Variants in OTUD7A observed in about 807,000 individuals in gnomAD.
OTUD7A encodes the protein OTU deubiquitinase 7A, also known as OTU domain-containing protein 7A.
In OTUD7A, 12 loss-of-function variants were observed where a neutral mutation model predicts 65.7. The ratio of observed to expected loss-of-function variants is 0.18; its 90% CI spans 0.12 to 0.30. The LOEUF is 0.30. Among genes scored for constraint, OTUD7A ranks in the 10% least tolerant of loss-of-function variants. The pLI, the probability that OTUD7A is intolerant of heterozygous loss-of-function variation, is 1.00. For synonymous variants in OTUD7A, 641 were observed against 586.3 expected (o/e 1.09, Z -1.35); for missense variants, 1,148 against 1,304.8 (o/e 0.88, Z 1.85).
intron 1 of OTUD7A, among the ~76,000 whole-genome samples, chr15:31,699,981 T>C (rs1486757083): frequency 6.6e-6 from 1 of 151,546 alleles, no homozygotes; most frequent in Non-Finnish European, 1.5e-5. Context: ...CTTACTGCGT[T>C]CTCTGCACTC....
intron 3 of OTUD7A, among the ~76,000 whole-genome samples, chr15:31,580,135 T>G (rs1044776177): frequency 1.3e-5 from 2 of 152,212 alleles, no homozygotes; most frequent in African/African-American, 2.4e-5. Context: ...GGGGTGTTAC[T>G]GGACAGAAAG....
chr15:31,484,199 G>T lies in OTUD7A; in HGVS notation c.1897C>A (p.Arg633Ser). 1 of 1,608,974 alleles carries T rather than the reference G, an allele frequency of 6.2e-7. No homozygotes were observed. Among genetic ancestry groups the T allele is most frequent in the Non-Finnish European group, 8.5e-7 (1 of 1,179,000 alleles). The change falls in exon 13 of 13, where the codon CGC (arginine) becomes AGC (serine). Residue 633 changes from arginine (R) to serine (S), a missense_variant. Transcript: ENST00000307050. This position sits in a 1 kb window ranked among gnomAD's most constrained non-coding sequence, Gnocchi z 4.5. ...TDVKLSLNIL[R>S]AAMQGERKFI... Reference sequence around the variant, plus strand: ...TTGCGCTCCCCCTGCATGGCGGCGCGCAGGATGTTGAGGCTCAGCTTCACA... The same window carrying T: ...TTGCGCTCCCCCTGCATGGCGGCGCTCAGGATGTTGAGGCTCAGCTTCACA...
At chr15:31,684,009 A>C (rs993194213) in intron 1 of OTUD7A, among the ~76,000 whole-genome samples, 1 of 152,228 alleles carries the variant, frequency 6.6e-6, no homozygotes, top group Non-Finnish European at 1.5e-5. Flanking sequence ...TCAAGACCAA[A>C]TAAGAAGCAT....
intron 1 of OTUD7A, among the ~76,000 whole-genome samples, chr15:31,696,147 G>A (rs1319866895): frequency 6.8e-6 from 1 of 147,854 alleles, no homozygotes; most frequent in African/African-American, 2.4e-5. Flanking sequence ...CAGGGTTGAG[G>A]GGGGCACAAG....
At chr15:31,845,929 T>G (rs117790351) in intron 1 of OTUD7A, among the ~76,000 whole-genome samples, 2 of 152,302 alleles carry the variant, frequency 1.3e-5, no homozygotes, top group Non-Finnish European at 2.9e-5. Flanking sequence ...CCCACAGGCC[T>G]GGGGTCTGAT....
chr15:31,569,030 T>C (rs535086346), intron 4 of OTUD7A, among the ~76,000 whole-genome samples: 2 of 152,346 alleles, frequency 1.3e-5, no homozygotes, highest in African/African-American at 4.8e-5. Context: ...AGTGAAAGAA[T>C]GGCCCAGCAC....
chr15:31,546,950 G>A (rs1485911260), intron 5 of OTUD7A, among the ~76,000 whole-genome samples: 2 of 152,230 alleles, frequency 1.3e-5, no homozygotes, highest in Non-Finnish European at 2.9e-5. Flanking sequence ...TTTTCTTGAT[G>A]TGAGTTTCTT....
intron 3 of OTUD7A, among the ~76,000 whole-genome samples, chr15:31,629,949 C>A (rs1891089521): frequency 6.6e-6 from 1 of 152,050 alleles, no homozygotes. Flanking sequence ...TCCCCTTTAT[C>A]ATTTTTTATT....
chr15:31,585,765 T>C (rs918491761), intron 3 of OTUD7A, among the ~76,000 whole-genome samples: 2 of 152,144 alleles, frequency 1.3e-5, no homozygotes, highest in Non-Finnish European at 2.9e-5. Context: ...TAAAGATGTA[T>C]ATGTACATAG....
intron 3 of OTUD7A, among the ~76,000 whole-genome samples, chr15:31,638,452 T>C (rs1178931974): frequency 2.7e-5 from 4 of 148,534 alleles, no homozygotes; most frequent in African/African-American, 5.0e-5. Context: ...TGATTTCCAC[T>C]CACTGCAACC....
rs776649216 is a variant in OTUD7A, at chr15:31,839,876, A to G, written c.-100+30631T>C. On this transcript the variant is annotated intron_variant, in intron 1 of 12. Transcript: ENST00000307050. ...AACATCTTGTAATAACTTCCCTGGGAGATACTGTGGGCACTCACTTAATAG... is the reference window on the plus strand; with the variant it reads ...AACATCTTGTAATAACTTCCCTGGGGGATACTGTGGGCACTCACTTAATAG... Among the ~76,000 whole-genome samples the G allele has an allele frequency of 2.6e-5, 4 of 152,318 alleles. No individual in the cohort carries two copies. The East Asian group carries it at 7.7e-4, about 29-fold the overall frequency.
intron 3 of OTUD7A, among the ~76,000 whole-genome samples, chr15:31,610,617 A>ATATATATATATATATTTTTT: frequency 6.5e-5 from 2 of 30,562 alleles, no homozygotes; most frequent in African/African-American, 3.4e-4. Flanking sequence ...ATATATATAT[A>ATATATATATATATATTTTTT]TTTTTTTTTT....
intron 4 of OTUD7A, 137 bp from the exon 5 acceptor site, chr15:31,559,324 A>G: frequency 1.3e-6 from 1 of 776,346 alleles, no homozygotes; most frequent in Non-Finnish European, 2.0e-6. Context: ...ACACACATGC[A>G]CATACCACAC....
intron 1 of OTUD7A, among the ~76,000 whole-genome samples, chr15:31,834,674 T>C (rs1348881410): frequency 2.0e-5 from 3 of 152,230 alleles, no homozygotes; most frequent in Admixed American, 2.0e-4. Flanking sequence ...CCAAGCACTA[T>C]ACATGACTCA....
chr15:31,703,797 T>C (rs899253266), intron 1 of OTUD7A, among the ~76,000 whole-genome samples: 2 of 150,696 alleles, frequency 1.3e-5, no homozygotes, highest in African/African-American at 4.9e-5. Flanking sequence ...CATAATAGCC[T>C]GGAACCAGAA....
chr15:31,508,880 T>C (rs1256307308), intron 8 of OTUD7A, among the ~76,000 whole-genome samples: 2 of 152,268 alleles, frequency 1.3e-5, no homozygotes, highest in Non-Finnish European at 2.9e-5. Context: ...TCTTGGCTTT[T>C]TTGTGGCCTT....
intron 1 of OTUD7A, among the ~76,000 whole-genome samples, chr15:31,732,533 G>A (rs1894073870): frequency 6.6e-6 from 1 of 152,144 alleles, no homozygotes. Flanking sequence ...CATAACACAC[G>A]GCTAAAACAA....
chr15:31,675,302 AT>A (rs1157399575), intron 1 of OTUD7A, among the ~76,000 whole-genome samples: 1 of 152,142 alleles, frequency 6.6e-6, no homozygotes, highest in Non-Finnish European at 1.5e-5. Flanking sequence ...TAGAGATGCC[AT>A]TACCAACCCT....
chr15:31,693,611 G>A (rs953622017), intron 1 of OTUD7A, among the ~76,000 whole-genome samples: 2 of 152,206 alleles, frequency 1.3e-5, no homozygotes, highest in South Asian at 2.1e-4. Flanking sequence ...GGCTGACAGC[G>A]GGCCCAGGGA....
Sources: allele counts gnomAD v4.1 joint callset (sites outside exome capture counted in the v4.1 genomes callset), GRCh38; gene constraint gnomAD v4.1.1; non-coding constraint Gnocchi (gnomAD v3.1); transcripts MANE v1.5; gene names NCBI Gene and HGNC (gene_info 2026-07-23, HGNC 2026-07-21).